Variants in NDST1 observed in about 807,000 individuals in gnomAD.
The protein encoded by NDST1 is N-deacetylase and N-sulfotransferase 1, also known as bifunctional heparan sulfate N-deacetylase/N-sulfotransferase 1.
A neutral mutation model predicts 92.8 loss-of-function variants in NDST1; 35 were observed. The ratio of observed to expected loss-of-function variants is 0.38; its 90% CI spans 0.29 to 0.50. NDST1 has a LOEUF of 0.50. Among genes scored for constraint, NDST1 ranks in the 20% least tolerant of loss-of-function variants. The probability of loss-of-function intolerance (pLI) is 0.94; values close to 1 mark genes in which losing one functional copy is unlikely to be tolerated. For missense variants in NDST1, 822 were observed against 1,182.7 expected, an observed-to-expected ratio of 0.69 and a Z score of 4.47; for synonymous variants, 493 against 500.3, an observed-to-expected ratio of 0.99 and a Z score of 0.19.
intron 1 of NDST1, among the ~76,000 whole-genome samples, chr5:150,499,361 T>G (rs1382962306): frequency 6.6e-6 from 1 of 152,198 alleles, no homozygotes; most frequent in Non-Finnish European, 1.5e-5. Flanking sequence ...AGCCAGCCAT[T>G]TCATATGCTT....
chr5:150,509,297 C>T (rs922653154), intron 1 of NDST1, among the ~76,000 whole-genome samples: 29 of 152,160 alleles, frequency 1.9e-4, no homozygotes, highest in Admixed American at 1.8e-3. Flanking sequence ...GGGAGAAGCT[C>T]AGGGTGTGAT....
chr5:150,514,999 C>T (rs371059176), intron 1 of NDST1, among the ~76,000 whole-genome samples: 1 of 152,140 alleles, frequency 6.6e-6, no homozygotes, highest in African/African-American at 2.4e-5. Context: ...CTGGTGAGGG[C>T]CTGTGCAGAG....
rs1038885722 is a variant in NDST1, at chr5:150,521,190, T to C, written c.-65T>C. On this transcript the variant is annotated 5_prime_UTR_variant, in exon 2 of 15. Transcript: ENST00000261797. This position sits in a 1 kb window ranked among gnomAD's most constrained non-coding sequence, Gnocchi z 5.9. ...AGTGGACGATTCTCGTGTCTCCTCC[T>C]GTGTGGGGCCTTGGGGTAGCCAGGG... 7 of 1,448,860 alleles carry C rather than the reference T, an allele frequency of 4.8e-6. No individual in the cohort carries two copies. In the African/African-American group the frequency reaches 8.6e-5, roughly 18 times the overall value. 89.8% of individuals were successfully genotyped at this position (1,448,860 alleles called of 1,614,324 possible). A position where few individuals can be genotyped will look rare whatever the true frequency, so the allele number is the denominator to read the frequency against.
At position 150,521,474 on chromosome 5, in the gene NDST1, C is replaced by T; in HGVS notation, c.220C>T (p.Gln74Ter). 6.2e-7 allele frequency: 1 copy of T among 1,613,972 alleles called. No homozygotes were observed. The highest frequency in any genetic ancestry group is 1.1e-5 in the South Asian group (1 of 91,092). Reference protein sequence around the residue: ...PSRLLPLKPVQAATPSRTDPL... With the variant: ...PSRLLPLKPV Reference sequence around the variant, plus strand: ...TCGCCTGCTGCCACTCAAGCCTGTGCAGGCAGCCACCCCTTCCCGCACAGA... The same window carrying T: ...TCGCCTGCTGCCACTCAAGCCTGTGTAGGCAGCCACCCCTTCCCGCACAGA... Residue 74 changes from glutamine to a stop codon, truncating the protein, a stop_gained, in exon 2 of 15, where the codon CAG (glutamine) becomes TAG (stop). Transcript: ENST00000261797. LOFTEE classifies it high-confidence loss of function. This position sits in a 1 kb window ranked among gnomAD's most constrained non-coding sequence, Gnocchi z 5.9.
rs562526835 is a variant in NDST1 at position 150,524,665 on chromosome 5, G to A, written c.513+2898G>A. Among the ~76,000 whole-genome samples, 11 of 152,322 alleles carry A rather than the reference G, an allele frequency of 7.2e-5. No individual in the cohort carries two copies. In the East Asian group the frequency reaches 1.2e-3, roughly 16 times the overall value. On this transcript the variant is annotated intron_variant, in intron 2 of 14. Transcript: ENST00000261797. ...TTCAAAAAGTTAAATGGCTTGTCCCGAATGACATAGCTACAGGTTGAGTGT... is the reference window on the plus strand; with the variant it reads ...TTCAAAAAGTTAAATGGCTTGTCCCAAATGACATAGCTACAGGTTGAGTGT...
chr5:150,509,361 G>C (rs1753613353), intron 1 of NDST1, among the ~76,000 whole-genome samples: 1 of 152,178 alleles, frequency 6.6e-6, no homozygotes, highest in Non-Finnish European at 1.5e-5. Flanking sequence ...AGTGAGGGTT[G>C]GGAAGTGCTT....
intron 3 of NDST1, among the ~76,000 whole-genome samples, chr5:150,531,753 C>T (rs1048335470): frequency 6.6e-6 from 1 of 152,206 alleles, no homozygotes. Flanking sequence ...CCTGCCTCAG[C>T]CTCCCAGGGT....
intron 1 of NDST1, among the ~76,000 whole-genome samples, chr5:150,502,363 A>G (rs977877206): frequency 1.3e-5 from 2 of 152,118 alleles, no homozygotes; most frequent in African/African-American, 4.8e-5. Context: ...GTGTGAGAAT[A>G]GAGTGTTGAC....
At position 150,535,958 on chromosome 5, in the gene NDST1, T is replaced by C. The variant is rs1291979444; in HGVS notation, c.1437+73T>C. On this transcript the variant is annotated intron_variant, in intron 6 of 14. Transcript: ENST00000261797. ...GTCTGTCATGTGTGTGCATACGCTG[T>C]CCTGGTAAGCACGGCTCTGGTTTGC... 5 of 1,512,608 alleles carry C rather than the reference T, an allele frequency of 3.3e-6. No individual in the cohort carries two copies. The East Asian group carries it at 7.2e-5, about 22-fold the overall frequency. The allele number at this position is 1,512,608 out of a possible 1,614,324, so 93.7% of individuals were successfully genotyped here. A position where few individuals can be genotyped will look rare whatever the true frequency, so the allele number is the denominator to read the frequency against.
At position 150,527,792 on chromosome 5, in the gene NDST1, C is replaced by A. The variant is rs201143654; in HGVS notation, c.514-12C>A. On this transcript the variant is annotated splice_polypyrimidine_tract_variant and intron_variant, in intron 2 of 14. Transcript: ENST00000261797. ...CAGTTCTGTTCCCCTTCCTGCCCTC[C>A]ATTGACTGCAGGCCAATGAGAACAG... 1.2e-6 allele frequency: 2 copies of A among 1,613,160 alleles called. No individual in the cohort carries two copies. Among genetic ancestry groups the A allele is most frequent in the Non-Finnish European group, 1.7e-6 (2 of 1,180,038 alleles).
intron 3 of NDST1, among the ~76,000 whole-genome samples, chr5:150,529,882 C>T (rs902863097): frequency 6.6e-6 from 1 of 152,232 alleles, no homozygotes; most frequent in African/African-American, 2.4e-5. Flanking sequence ...ATTCATCGCC[C>T]TGCCTTGGTC....
Position 150,534,980 on chromosome 5 carries a change from G to C in NDST1, c.1210G>C (p.Val404Leu). 6.2e-7 allele frequency: 1 copy of C among 1,614,254 alleles called. No individual in the cohort carries two copies. Among genetic ancestry groups the C allele is most frequent in the Non-Finnish European group, 8.5e-7 (1 of 1,180,048 alleles). Residue 404 changes from valine to leucine, a missense_variant, in exon 5 of 15, where the codon GTG becomes CTG. Val to Leu is a conservative substitution (Grantham distance 32). Coordinates refer to ENST00000261797, the MANE Select transcript of NDST1 (RefSeq NM_001543.5). Reference sequence around the variant, plus strand: ...GCCCCACCTTTTCCACAACCAGTCCGTGTTGGCCGAGCAGATGGCCTTGAA... The same window carrying C: ...GCCCCACCTTTTCCACAACCAGTCCCTGTTGGCCGAGCAGATGGCCTTGAA... ...MQPHLFHNQSVLAEQMALNKK... is the reference protein window; with the variant it reads ...MQPHLFHNQSLLAEQMALNKK...
At chr5:150,501,820 C>G (rs972734568) in intron 1 of NDST1, among the ~76,000 whole-genome samples, 1 of 152,258 alleles carries the variant, frequency 6.6e-6, no homozygotes, top group East Asian at 1.9e-4. Context: ...AAAAATAAAA[C>G]TGGCTTGTGG....
intron 1 of NDST1, among the ~76,000 whole-genome samples, chr5:150,518,543 G>C (rs762698330): frequency 5.9e-5 from 9 of 152,096 alleles, no homozygotes; most frequent in Non-Finnish European, 8.8e-5. Flanking sequence ...ACAAAAAGCG[G>C]AAATAAAAAT....
chr5:150,512,933 C>T (rs1044299852), intron 1 of NDST1, among the ~76,000 whole-genome samples: 2 of 152,178 alleles, frequency 1.3e-5, no homozygotes, highest in East Asian at 1.9e-4. Flanking sequence ...CCACTGCACC[C>T]GGGAATTACC....
At chr5:150,528,611 C>T (rs549232003) in intron 3 of NDST1, among the ~76,000 whole-genome samples, 11 of 151,652 alleles carry the variant, frequency 7.3e-5, no homozygotes, top group African/African-American at 1.5e-4. Flanking sequence ...GCCAACACAG[C>T]GAAACCCCAT....
chr5:150,535,181 C>G (rs1754926629), intron 5 of NDST1, 160 bp downstream of exon 5: 4 of 804,314 alleles, frequency 5.0e-6, no homozygotes, highest in Non-Finnish European at 3.0e-6. Flanking sequence ...GCCACTGTCT[C>G]CTTGAAGCCC....
chr5:150,534,443 T>A (rs191847360), intron 4 of NDST1, among the ~76,000 whole-genome samples: 19 of 152,268 alleles, frequency 1.2e-4, no homozygotes, highest in Admixed American at 7.8e-4. Flanking sequence ...CAGAGGTGGT[T>A]ATAGTAATAT....
Position 150,516,308 on chromosome 5 carries a change from G to A in NDST1, c.-387-4560G>A, listed in dbSNP as rs546611486. ...AGAGGGATGAGCTTGAAAGTGCTTC[G>A]TGAGCTAAGCTGTGATCCACATCGT... On this transcript the variant is annotated intron_variant, in intron 1 of 14. Transcript: ENST00000261797. Among the ~76,000 whole-genome samples, 263 of 152,326 alleles carry A rather than the reference G, an allele frequency of 1.7e-3. 1 individual carries two copies. Among genetic ancestry groups the A allele is most frequent in the Non-Finnish European group, 2.0e-3 (134 of 68,028 alleles).
Sources: allele counts gnomAD v4.1 joint callset (sites outside exome capture counted in the v4.1 genomes callset), GRCh38; gene constraint gnomAD v4.1.1; non-coding constraint Gnocchi (gnomAD v3.1); transcripts MANE v1.5; gene names NCBI Gene and HGNC (gene_info 2026-07-23, HGNC 2026-07-21).